Variants in DAZAP1 observed in about 807,000 individuals in gnomAD.
DAZAP1 encodes the protein DAZ associated protein 1, also known as DAZ-associated protein 1.
In DAZAP1, 6 loss-of-function variants were observed where a neutral mutation model predicts 60.1. That is an observed-to-expected ratio of 0.10 (90% CI 0.05 to 0.20). DAZAP1 has a LOEUF of 0.20. DAZAP1 is among the 10% of genes least tolerant of loss of function. The probability of loss-of-function intolerance (pLI) is 1.00; values close to 1 mark genes in which losing one functional copy is unlikely to be tolerated. For missense variants in DAZAP1, 366 were observed against 560.4 expected, an observed-to-expected ratio of 0.65 and a Z score of 3.50; for synonymous variants, 235 against 215.9, an observed-to-expected ratio of 1.09 and a Z score of -0.78.
At position 1,431,577 on chromosome 19, in the gene DAZAP1, C is replaced by T. The variant is rs540958193; in HGVS notation, c.872-937C>T. ...CCTGAGTAGCTGGGATTACAGGCGTCTGCCACCACGCCCGGCTAATTTTGT... is the reference window on the plus strand; with the variant it reads ...CCTGAGTAGCTGGGATTACAGGCGTTTGCCACCACGCCCGGCTAATTTTGT... On this transcript the variant is annotated intron_variant, in intron 10 of 11. Coordinates refer to ENST00000233078, the MANE Select transcript of DAZAP1 (RefSeq NM_018959.4). Among the ~76,000 whole-genome samples, 3 of 152,148 alleles carry T rather than the reference C, an allele frequency of 2.0e-5. No individual in the cohort carries two copies. In the South Asian group the frequency reaches 6.2e-4, roughly 32 times the overall value.
At chr19:1,430,755 C>T (rs1333319932) in intron 10 of DAZAP1, among the ~76,000 whole-genome samples, 1 of 149,434 alleles carries the variant, frequency 6.7e-6, no homozygotes, top group Non-Finnish European at 1.5e-5. Flanking sequence ...GAGTTTCACT[C>T]TGTAGCCCAG....
rs947325392 is a variant in DAZAP1 at position 1,428,626 on chromosome 19, G to T, written c.547-216G>T. 2 of 609,906 alleles carry T rather than the reference G, an allele frequency of 3.3e-6. No homozygotes were observed. Among genetic ancestry groups the T allele is most frequent in the Non-Finnish European group, 5.5e-6 (2 of 363,048 alleles). The allele number at this position is 609,906 out of a possible 1,614,324, so 37.8% of individuals were successfully genotyped here. A position where few individuals can be genotyped will look rare whatever the true frequency, so the allele number is the denominator to read the frequency against. ...CTCTGTGTGTCTTACGGTTGCATCT[G>T]TTGTACCTGAGAAACATTTTTTAAA... On this transcript the variant is annotated intron_variant, in intron 7 of 11. Transcript: ENST00000233078. The surrounding 1 kb of genome is among the most constrained non-coding windows in gnomAD (Gnocchi z 4.0).
At chr19:1,408,442 G>A (rs545705942) in intron 1 of DAZAP1, among the ~76,000 whole-genome samples, 19 of 152,360 alleles carry the variant, frequency 1.2e-4, no homozygotes, top group Middle Eastern at 3.4e-3. Context: ...CCCAAACTTG[G>A]CGGGCGGCGC....
chr19:1,422,198 C>A lies in DAZAP1; in HGVS notation c.415-150C>A. ...TCCAGCCTTTCTCAGACAGCAGCCCCACGGAGCAGCTGTTGCCCGTGCACC... is the reference window on the plus strand; with the variant it reads ...TCCAGCCTTTCTCAGACAGCAGCCCAACGGAGCAGCTGTTGCCCGTGCACC... On this transcript the variant is annotated intron_variant, in intron 5 of 11. Coordinates refer to ENST00000233078, the MANE Select transcript of DAZAP1 (RefSeq NM_018959.4). This position sits in a 1 kb window ranked among gnomAD's most constrained non-coding sequence, Gnocchi z 4.5. 1 of 673,148 alleles carries A rather than the reference C, an allele frequency of 1.5e-6. No individual in the cohort carries two copies. The highest frequency in any genetic ancestry group is 1.7e-5 in the South Asian group (1 of 57,514). The allele number at this position is 673,148 out of a possible 1,614,324, so 41.7% of individuals were successfully genotyped here. A position where few individuals can be genotyped will look rare whatever the true frequency, so the allele number is the denominator to read the frequency against.
At position 1,418,621 on chromosome 19, in the gene DAZAP1, A is replaced by T; in HGVS notation, c.238-45A>T. 6.2e-7 allele frequency: 1 copy of T among 1,612,192 alleles called. No individual in the cohort carries two copies. The highest frequency in any genetic ancestry group is 1.3e-5 in the African/African-American group (1 of 74,828). On this transcript the variant is annotated intron_variant, in intron 3 of 11. Coordinates refer to ENST00000233078, the MANE Select transcript of DAZAP1 (RefSeq NM_018959.4). The surrounding 1 kb of genome is among the most constrained non-coding windows in gnomAD (Gnocchi z 5.7). ...TGTGCTGACACCCTCTTTCCTAGAG[A>T]AACAGCCTCTTATTCACAACCAGCT...
intron 6 of DAZAP1, among the ~76,000 whole-genome samples, chr19:1,424,264 C>G (rs1569077672): frequency 6.6e-6 from 1 of 151,780 alleles, no homozygotes; most frequent in Non-Finnish European, 1.5e-5. Context: ...CAGGTCTTCT[C>G]CATCCTGCGC....
chr19:1,423,921 A>C lies in DAZAP1; in HGVS notation c.463+1525A>C, dbSNP rs2083232001. Among the ~76,000 whole-genome samples the C allele has an allele frequency of 6.6e-6, 1 of 152,216 alleles. No homozygotes were observed. The highest frequency in any genetic ancestry group is 2.4e-5 in the African/African-American group (1 of 41,448). Reference sequence around the variant, plus strand: ...AGCACTTCGGGGCCAGCACGTGGCCACATGTCCTTAGCTGTTGGGCTTTGA... The same window carrying C: ...AGCACTTCGGGGCCAGCACGTGGCCCCATGTCCTTAGCTGTTGGGCTTTGA... On this transcript the variant is annotated intron_variant, in intron 6 of 11. Transcript: ENST00000233078. The surrounding 1 kb of genome is among the most constrained non-coding windows in gnomAD (Gnocchi z 6.8).
Position 1,435,412 on chromosome 19 carries a change from G to T in DAZAP1, c.*500G>T, listed in dbSNP as rs906430026. 5 of 152,246 alleles carry T rather than the reference G, an allele frequency of 3.3e-5. No individual in the cohort carries two copies. The highest frequency in any genetic ancestry group is 1.2e-4 in the African/African-American group (5 of 41,452). The allele number at this position is 152,246 out of a possible 1,614,324, so 9.4% of individuals were successfully genotyped here. On this transcript the variant is annotated 3_prime_UTR_variant, in exon 12 of 12. Coordinates refer to ENST00000233078, the MANE Select transcript of DAZAP1 (RefSeq NM_018959.4). ...CCTCGCTCCTGGCTTTGGGGGTTGG[G>T]ACTTGGTGGTCCAGAAACTCTGGGA...
In DAZAP1 at chr19:1,422,975, G is replaced by C. The variant is rs1227452807; in HGVS notation, c.463+579G>C. 6.6e-6 allele frequency among the ~76,000 whole-genome samples: 1 copy of C among 152,108 alleles called. No individual in the cohort carries two copies. Among genetic ancestry groups the C allele is most frequent in the East Asian group, 1.9e-4 (1 of 5,196 alleles). On this transcript the variant is annotated intron_variant, in intron 6 of 11. Transcript: ENST00000233078. The surrounding 1 kb of genome is among the most constrained non-coding windows in gnomAD (Gnocchi z 4.5). Reference sequence around the variant, plus strand: ...GCTTCTTGCACACCCATCCATGCTGGTTTGTGGAGCTGGGACGATGGGCGC... The same window carrying C: ...GCTTCTTGCACACCCATCCATGCTGCTTTGTGGAGCTGGGACGATGGGCGC...
chr19:1,418,833 C>A lies in DAZAP1; in HGVS notation c.303+102C>A. The stretch of plus-strand genomic sequence containing the variant: ...TGTTGTCGCTCGTTAAGATTGAGGG[C>A]GACGCAGGTCTTCTGGGTTGGCACT... On this transcript the variant is annotated intron_variant, in intron 4 of 11. Transcript: ENST00000233078. The surrounding 1 kb of genome is among the most constrained non-coding windows in gnomAD (Gnocchi z 5.7). The A allele has an allele frequency of 8.1e-7, 1 of 1,228,148 alleles. No homozygotes were observed. The allele number at this position is 1,228,148 out of a possible 1,614,324, so 76.1% of individuals were successfully genotyped here.
chr19:1,417,656 G>A (rs747091206), intron 2 of DAZAP1, 116 bp downstream of exon 2: 75 of 998,572 alleles, frequency 7.5e-5, no homozygotes, highest in Middle Eastern at 6.2e-4. Flanking sequence ...TCCTTTTGAC[G>A]TTGTTCTGAT....
At position 1,418,454 on chromosome 19, in the gene DAZAP1, T is replaced by A. The variant is rs1049824893; in HGVS notation, c.237+84T>A. ...TCATTTTTTCCTGGACTCTGACCGATGTTTGCGTTAGAGTATGTTTGAACG... is the reference window on the plus strand; with the variant it reads ...TCATTTTTTCCTGGACTCTGACCGAAGTTTGCGTTAGAGTATGTTTGAACG... On this transcript the variant is annotated intron_variant, in intron 3 of 11. Coordinates refer to ENST00000233078, the MANE Select transcript of DAZAP1 (RefSeq NM_018959.4). This position sits in a 1 kb window ranked among gnomAD's most constrained non-coding sequence, Gnocchi z 5.7. The A allele has an allele frequency of 6.5e-7, 1 of 1,536,352 alleles. No homozygotes were observed. The highest frequency in any genetic ancestry group is 1.4e-5 in the African/African-American group (1 of 73,246).
At chr19:1,424,752 C>T (rs1366627203) in intron 6 of DAZAP1, among the ~76,000 whole-genome samples, 1 of 152,224 alleles carries the variant, frequency 6.6e-6, no homozygotes, top group Non-Finnish European at 1.5e-5. Context: ...AGCCCATCTT[C>T]AGCCCGGTCT....
In DAZAP1 at chr19:1,425,977, T is replaced by G; in HGVS notation, c.546+17T>G. 1.3e-6 allele frequency: 2 copies of G among 1,562,328 alleles called. No homozygotes were observed. The highest frequency in any genetic ancestry group is 8.8e-7 in the Non-Finnish European group (1 of 1,132,886). The stretch of plus-strand genomic sequence containing the variant: ...GGCAAAAAAGTGTGTAGTTGTAGTT[T>G]TATTTTACCTTAAGACCAAACCAAG... On this transcript the variant is annotated intron_variant, in intron 7 of 11. Coordinates refer to ENST00000233078, the MANE Select transcript of DAZAP1 (RefSeq NM_018959.4). The surrounding 1 kb of genome is among the most constrained non-coding windows in gnomAD (Gnocchi z 5.4).
chr19:1,430,270 C>CCCCCAAA lies in DAZAP1; in HGVS notation c.779_780insCCCCAAA (p.Phe262LysfsTer167). On this transcript the variant is annotated frameshift_variant, in exon 10 of 12. Coordinates refer to ENST00000233078, the MANE Select transcript of DAZAP1 (RefSeq NM_018959.4). LOFTEE classifies it high-confidence loss of function. ...GGAAGAGGAGCCCCCCCGCCACCCC[C>CCCCCAAA]ACCGTTCACCTCCTACATCGTGTCC... 1 of 1,368,620 alleles carries CCCCCAAA rather than the reference C, an allele frequency of 7.3e-7. No homozygotes were observed. The highest frequency in any genetic ancestry group is 1.0e-6 in the Non-Finnish European group (1 of 979,180). The allele number at this position is 1,368,620 out of a possible 1,614,324, so 84.8% of individuals were successfully genotyped here.
At position 1,432,934 on chromosome 19, in the gene DAZAP1, G is replaced by GCT. The variant is rs2083491319; in HGVS notation, c.1048+245_1048+246insTC. 4 of 518,388 alleles carry GCT rather than the reference G, an allele frequency of 7.7e-6. No homozygotes were observed. The highest frequency in any genetic ancestry group is 1.0e-5 in the Non-Finnish European group (3 of 293,094). The allele number at this position is 518,388 out of a possible 1,614,324, so 32.1% of individuals were successfully genotyped here. On this transcript the variant is annotated intron_variant, in intron 11 of 11. Coordinates refer to ENST00000233078, the MANE Select transcript of DAZAP1 (RefSeq NM_018959.4). This position sits in a 1 kb window ranked among gnomAD's most constrained non-coding sequence, Gnocchi z 4.9. The stretch of plus-strand genomic sequence containing the variant: ...TCATACAGCAGGTGCTGCAGGGCCT[G>GCT]CATGTGTGGGAACCTGAGTGGCGAC...
chr19:1,410,853 A>G (rs2082808787), intron 1 of DAZAP1, among the ~76,000 whole-genome samples: 1 of 152,210 alleles, frequency 6.6e-6, no homozygotes, highest in African/African-American at 2.4e-5. Context: ...GACACCTGGA[A>G]ATATTGTAGG....
intron 9 of DAZAP1, 65 bp from the exon 10 acceptor site, chr19:1,430,153 GGGTC>G: frequency 6.6e-7 from 1 of 1,524,306 alleles, no homozygotes; most frequent in Non-Finnish European, 9.0e-7. Flanking sequence ...TGGCAGGCCT[GGGTC>G]TAACTGTGGC....
In DAZAP1 at chr19:1,418,572, G is replaced by A. The variant is rs111296517; in HGVS notation, c.238-94G>A. 4.9e-5 allele frequency: 75 copies of A among 1,529,040 alleles called. No homozygotes were observed. The Middle Eastern group carries it at 8.7e-4, about 18-fold the overall frequency. 94.7% of individuals were successfully genotyped at this position (1,529,040 alleles called of 1,614,324 possible). A position where few individuals can be genotyped will look rare whatever the true frequency, so the allele number is the denominator to read the frequency against. On this transcript the variant is annotated intron_variant, in intron 3 of 11. Transcript: ENST00000233078. This position sits in a 1 kb window ranked among gnomAD's most constrained non-coding sequence, Gnocchi z 5.7. Reference sequence around the variant, plus strand: ...TGGAGCCGGCGGGGCGGGGCGGGCCGGGCTGCTGTGCCGTGGCTGCTGTTG... The same window carrying A: ...TGGAGCCGGCGGGGCGGGGCGGGCCAGGCTGCTGTGCCGTGGCTGCTGTTG...
Sources: allele counts gnomAD v4.1 joint callset (sites outside exome capture counted in the v4.1 genomes callset), GRCh38; gene constraint gnomAD v4.1.1; non-coding constraint Gnocchi (gnomAD v3.1); transcripts MANE v1.5; gene names NCBI Gene and HGNC (gene_info 2026-07-23, HGNC 2026-07-21).